RGS6: variants seen among roughly 807,000 people sequenced by gnomAD.
The protein encoded by RGS6 is regulator of G-protein signaling 6.
In RGS6, 30 loss-of-function variants were observed where a neutral mutation model predicts 78.5. The ratio of observed to expected loss-of-function variants is 0.38; its 90% confidence interval spans 0.29 to 0.52. The LOEUF (loss-of-function observed/expected upper bound fraction) is 0.52. Among genes scored for constraint, RGS6 ranks in the 20% least tolerant of loss-of-function variants. The probability of loss-of-function intolerance (pLI) is 0.85; values close to 1 mark genes in which losing one functional copy is unlikely to be tolerated. For missense variants in RGS6, 495 were observed against 609.7 expected (o/e 0.81, Z 1.98); for synonymous variants, 206 against 206.0 (o/e 1.00, Z 0.00).
chr14:71,869,327 C>T, the RGS6 span, among the ~76,000 whole-genome samples: 1 of 152,188 alleles, frequency 6.6e-6, no homozygotes, highest in Admixed American at 6.5e-5. Context: ...CAAGTGATCA[C>T]TTGTCTGCCA....
chr14:72,416,504 C>T (rs1307736231), intron 3 of RGS6, among the ~76,000 whole-genome samples: 2 of 152,152 alleles, frequency 1.3e-5, no homozygotes, highest in African/African-American at 4.8e-5. Context: ...ATTAGGTTAA[C>T]CTAAAACTAA....
rs541331456 is a variant in RGS6, at chr14:72,470,982, G to T, written c.536+899G>T. On this transcript the variant is annotated intron_variant, in intron 8 of 17. Coordinates refer to ENST00000553525, the MANE Select transcript of RGS6 (RefSeq NM_001204424.2). ...CCTGTACAGAGGTGTGTATCTATAG[G>T]CCTCCTCTCCCCAGCATCTCCACCC... 5.5e-4 allele frequency among the ~76,000 whole-genome samples: 83 copies of T among 151,866 alleles called. 1 individual carries two copies. The South Asian group carries it at 0.013, about 23-fold the overall frequency.
chr14:72,105,061 A>G (rs1188595811), intron 2 of RGS6, among the ~76,000 whole-genome samples: 2 of 152,228 alleles, frequency 1.3e-5, no homozygotes, highest in Non-Finnish European at 2.9e-5. Flanking sequence ...TTGTTAGAGC[A>G]TTATACTAGC....
chr14:71,936,015 G>GAGATATATATAT (rs751624395), intron 1 of RGS6, among the ~76,000 whole-genome samples: 6 of 63,786 alleles, frequency 9.4e-5, no homozygotes, highest in Admixed American at 1.8e-4. Context: ...GAACTAATAG[G>GAGATATATATAT]ATATATATAT....
intron 2 of RGS6, among the ~76,000 whole-genome samples, chr14:72,337,156 G>A (rs2076178215): frequency 6.6e-6 from 1 of 152,050 alleles, no homozygotes; most frequent in Non-Finnish European, 1.5e-5. Flanking sequence ...AGCAGATGGA[G>A]CCACCATTAG....
At chr14:72,182,416 CA>C (rs34656799) in intron 2 of RGS6, among the ~76,000 whole-genome samples, 34,208 of 106,116 alleles carry the variant, frequency 0.32, 3,569 homozygotes, top group Middle Eastern at 0.4. Context: ...GACTCCATCT[CA>C]AAAAAAAAAA....
chr14:72,192,436 G>C (rs2097338108), intron 2 of RGS6, among the ~76,000 whole-genome samples: 1 of 152,202 alleles, frequency 6.6e-6, no homozygotes, highest in Admixed American at 6.5e-5. Flanking sequence ...CTGTCACACA[G>C]CAAGAACTCA....
the RGS6 span, among the ~76,000 whole-genome samples, chr14:71,913,429 T>G: frequency 6.6e-6 from 1 of 152,216 alleles, no homozygotes; most frequent in East Asian, 1.9e-4. Flanking sequence ...GTTTTCTCCT[T>G]TCCTTCCTCT....
intron 2 of RGS6, among the ~76,000 whole-genome samples, chr14:72,242,220 A>C (rs1021531900): frequency 6.6e-6 from 1 of 152,142 alleles, no homozygotes. Context: ...AACAAAGGTG[A>C]AGGGGGCAAT....
upstream of RGS6, among the ~76,000 whole-genome samples, chr14:71,928,715 T>C (rs187503816): frequency 3.0e-4 from 45 of 152,354 alleles, no homozygotes; most frequent in African/African-American, 1.0e-3. Flanking sequence ...GTTTTACCTA[T>C]AAATATTATT....
At chr14:72,229,464 A>C (rs192661227) in intron 2 of RGS6, among the ~76,000 whole-genome samples, 1 of 152,002 alleles carries the variant, frequency 6.6e-6, no homozygotes, top group South Asian at 2.1e-4. Flanking sequence ...GGTACTCCCT[A>C]CATGTACCCT....
intron 2 of RGS6, among the ~76,000 whole-genome samples, chr14:72,130,007 G>A (rs926694718): frequency 1.3e-5 from 2 of 152,140 alleles, no homozygotes; most frequent in African/African-American, 4.8e-5. Flanking sequence ...CACTTCAGAT[G>A]CCAGCTGAAA....
chr14:72,421,632 A>G (rs1258020385), intron 3 of RGS6: 1 of 152,228 alleles, frequency 6.6e-6, no homozygotes, highest in Non-Finnish European at 1.5e-5. Context: ...GGGCCGTGGT[A>G]GAGGGGAGAC....
chr14:72,468,350 T>G (rs2095979593), intron 7 of RGS6, among the ~76,000 whole-genome samples: 1 of 146,824 alleles, frequency 6.8e-6, no homozygotes, highest in African/African-American at 2.5e-5. Context: ...CACTCCAGCC[T>G]GGGCAACAGA....
chr14:72,276,654 A>C (rs2060716785), intron 2 of RGS6, among the ~76,000 whole-genome samples: 2 of 152,104 alleles, frequency 1.3e-5, no homozygotes, highest in South Asian at 4.1e-4. Context: ...AAGTCTCATG[A>C]GATCTGATGG....
the RGS6 span, among the ~76,000 whole-genome samples, chr14:71,897,059 G>A: frequency 2.0e-5 from 3 of 152,190 alleles, no homozygotes; most frequent in African/African-American, 7.2e-5. Flanking sequence ...TTATTAGTTT[G>A]TAGGTTGGCT....
intron 2 of RGS6, among the ~76,000 whole-genome samples, chr14:72,226,584 G>A (rs141438381): frequency 4.2e-4 from 64 of 152,320 alleles, no homozygotes; most frequent in African/African-American, 1.5e-3. Flanking sequence ...CGGACCAGTG[G>A]CATCAATATC....
chr14:72,621,140 CAAA>C, the RGS6 span, among the ~76,000 whole-genome samples: 6,873 of 122,018 alleles, frequency 0.056, 191 homozygotes, highest in Middle Eastern at 0.12. Context: ...GACTCTGTCT[CAAA>C]AAAAAAAAAA....
At chr14:72,550,589 G>A (rs1187674477) in intron 17 of RGS6, 7 of 1,535,130 alleles carry the variant, frequency 4.6e-6, no homozygotes, top group East Asian at 2.4e-5. Flanking sequence ...AAGTGGTGGG[G>A]GAATTCTGAT....
Sources: allele counts gnomAD v4.1 joint callset (sites outside exome capture counted in the v4.1 genomes callset), GRCh38; gene constraint gnomAD v4.1.1; transcripts MANE v1.5; gene names NCBI Gene and HGNC (gene_info 2026-07-23, HGNC 2026-07-21).